The following TUSC3 variants were observed in gnomAD, a reference collection of about 807,000 sequenced individuals.
The protein encoded by TUSC3 is tumor suppressor candidate 3, also known as dolichyl-diphosphooligosaccharide--protein glycosyltransferase subunit TUSC3.
In TUSC3, 45 loss-of-function variants were observed where a neutral mutation model predicts 44.8. The ratio of observed to expected loss-of-function variants is 1.00; its 90% CI spans 0.79 to 1.29. The LOEUF is 1.29. Ranked by LOEUF, TUSC3 falls within the 50% of genes most tolerant of loss-of-function variation. The pLI is 0.00. For synonymous variants in TUSC3, 212 were observed against 152.9 expected (o/e 1.39, Z -2.85); for missense variants, 519 against 437.9 (o/e 1.19, Z -1.65).
At chr8:15,689,458 AG>A (rs36111860) in intron 6 of TUSC3, 35,248 of 175,358 alleles carry the variant, frequency 0.2, 4,589 homozygotes, top group Non-Finnish European at 0.28. Flanking sequence ...AGTGCCAAGA[AG>A]GCCGCAGCTG....
rs1809307333 is a variant in TUSC3 at position 15,699,512 on chromosome 8, G to T, written c.798+25676G>T. ...AGCATTAACAATGGTAATATGATCT[G>T]ATGTAATTGATGTGACTTTTAAAAA... On this transcript the variant is annotated intron_variant, in intron 6 of 10. Transcript: ENST00000503731. Among the ~76,000 whole-genome samples, 4 of 152,304 alleles carry T rather than the reference G, an allele frequency of 2.6e-5. 1 individual carries two copies. The South Asian group carries it at 8.3e-4, about 32-fold the overall frequency.
intron 2 of TUSC3, among the ~76,000 whole-genome samples, chr8:15,487,058 CCTT>C (rs1357339138): frequency 9.9e-5 from 15 of 152,184 alleles, no homozygotes; most frequent in African/African-American, 3.1e-4. Context: ...TATTAGCTTC[CCTT>C]CTTCTATGAC....
chr8:15,462,795 A>T lies in TUSC3; in HGVS notation n.92-20591A>T, dbSNP rs887176119. ...AGCTTTTGCTTCAGAAATAACTTCC[A>T]ACAGTGAGCAGAAAGGATGCTATTC... On this transcript the variant is annotated intron_variant and non_coding_transcript_variant, in intron 1 of 5. Coordinates refer to the TUSC3 transcript ENST00000503191. Among the ~76,000 whole-genome samples the T allele has an allele frequency of 4.6e-5, 7 of 152,090 alleles. No individual in the cohort carries two copies. The East Asian group carries it at 9.6e-4, about 21-fold the overall frequency.
intron 6 of TUSC3, among the ~76,000 whole-genome samples, chr8:15,728,789 C>T (rs934628620): frequency 2.0e-5 from 3 of 152,112 alleles, no homozygotes; most frequent in Non-Finnish European, 2.9e-5. Context: ...GCCTGTTGAG[C>T]TCTGAGATAC....
At chr8:15,430,817 C>T (rs1297859989) in intron 1 of TUSC3, among the ~76,000 whole-genome samples, 2 of 151,740 alleles carry the variant, frequency 1.3e-5, no homozygotes, top group African/African-American at 2.4e-5. Context: ...AAATCACAAG[C>T]ATTCTTATAC....
intron 2 of TUSC3, among the ~76,000 whole-genome samples, chr8:15,636,216 G>T (rs1371879369): frequency 6.6e-6 from 1 of 152,126 alleles, no homozygotes; most frequent in Non-Finnish European, 1.5e-5. Flanking sequence ...TTTCAACTTA[G>T]CAGAATCATC....
chr8:15,743,561 G>C lies in TUSC3; in HGVS notation c.886G>C (p.Val296Leu). Residue 296 changes from valine (V) to leucine (L), a missense_variant, in exon 8 of 11, where the codon GTT becomes CTT. Transcript: ENST00000503731. ...AGATGCCGCTATCACCATGGGGATG[G>C]TTCTTCTAAATGAAGCAGCAACTTC... ...VLNAAITMGM[V>L]LLNEAATSKG... is the part of the protein sequence containing the mutation. 4 of 1,613,940 alleles carry C rather than the reference G, an allele frequency of 2.5e-6. No individual in the cohort carries two copies. Among genetic ancestry groups the C allele is most frequent in the Non-Finnish European group, 3.4e-6 (4 of 1,179,854 alleles).
downstream of TUSC3, among the ~76,000 whole-genome samples, chr8:15,770,161 C>T (rs1296218240): frequency 6.6e-6 from 1 of 152,056 alleles, no homozygotes; most frequent in African/African-American, 2.4e-5. Flanking sequence ...GGAACCAACC[C>T]AAATGTCCAT....
chr8:15,650,386 A>G (rs747084121), intron 2 of TUSC3, among the ~76,000 whole-genome samples: 5 of 152,146 alleles, frequency 3.3e-5, no homozygotes, highest in African/African-American at 9.7e-5. Flanking sequence ...TTAAAGGGCT[A>G]GGCTTTGTGA....
chr8:15,669,244 T>C (rs1042758854), intron 5 of TUSC3, among the ~76,000 whole-genome samples: 4 of 151,854 alleles, frequency 2.6e-5, no homozygotes, highest in Admixed American at 1.3e-4. Flanking sequence ...CCAGTATGGA[T>C]TGAATCCATT....
intron 2 of TUSC3, among the ~76,000 whole-genome samples, chr8:15,628,116 A>G (rs1805596896): frequency 6.6e-6 from 1 of 152,246 alleles, no homozygotes; most frequent in Non-Finnish European, 1.5e-5. Flanking sequence ...TTTAAAAAAT[A>G]CTGTAAATAT....
rs1563203962 is a variant in TUSC3 at position 15,748,701 on chromosome 8, T to C, written c.1028+236T>C. The C allele has an allele frequency of 4.6e-6, 3 of 655,300 alleles. No individual in the cohort carries two copies. In the East Asian group the frequency reaches 9.8e-5, roughly 21 times the overall value. 40.6% of individuals were successfully genotyped at this position (655,300 alleles called of 1,614,324 possible). A position where few individuals can be genotyped will look rare whatever the true frequency, so the allele number is the denominator to read the frequency against. ...GTTTCTTTCTAGACATACATATTTT[T>C]ATATAACAAATGAGGTTTAAGCTCA... On this transcript the variant is annotated intron_variant, in intron 9 of 10. Transcript: ENST00000503731.
chr8:15,577,248 C>A (rs1044669635), intron 1 of TUSC3, among the ~76,000 whole-genome samples: 19 of 151,136 alleles, frequency 1.3e-4, no homozygotes, highest in African/African-American at 4.6e-4. Flanking sequence ...AAAATTTTCT[C>A]CCATTTTGTA....
the TUSC3 span, among the ~76,000 whole-genome samples, chr8:15,782,287 A>T: frequency 6.6e-6 from 1 of 152,212 alleles, no homozygotes; most frequent in Admixed American, 6.5e-5. Flanking sequence ...AGCCTCGGTG[A>T]CATAGCAAGA....
At chr8:15,551,816 T>G (rs1423986569) in intron 1 of TUSC3, among the ~76,000 whole-genome samples, 1 of 151,780 alleles carries the variant, frequency 6.6e-6, no homozygotes, top group Non-Finnish European at 1.5e-5. Context: ...TTACTTCCCT[T>G]TTCTCTGTAT....
At chr8:15,781,377 C>A in the TUSC3 span, among the ~76,000 whole-genome samples, 2 of 152,050 alleles carry the variant, frequency 1.3e-5, no homozygotes, top group South Asian at 2.1e-4. Flanking sequence ...CTGGGGCCCA[C>A]GTAAAACAAA....
rs114269767 is a variant in TUSC3, at chr8:15,480,372, A to G, written n.92-3014A>G. On this transcript the variant is annotated intron_variant and non_coding_transcript_variant, in intron 1 of 5. Transcript: ENST00000503191. Reference sequence around the variant, plus strand: ...GAACCATAAACATTTTCATGAACATATGCTATACTTGACTTTTCCTGGTTG... The same window carrying G: ...GAACCATAAACATTTTCATGAACATGTGCTATACTTGACTTTTCCTGGTTG... Among the ~76,000 whole-genome samples, 615 of 152,318 alleles carry G rather than the reference A, an allele frequency of 4.0e-3. 6 individuals carry two copies. Among genetic ancestry groups the G allele is most frequent in the African/African-American group, 0.014 (592 of 41,566 alleles).
At chr8:15,430,018 A>T (rs1799852751) in intron 1 of TUSC3, among the ~76,000 whole-genome samples, 1 of 151,686 alleles carries the variant, frequency 6.6e-6, no homozygotes, top group East Asian at 1.9e-4. Flanking sequence ...CCAGGACCAG[A>T]TGGATTCACA....
At chr8:15,701,510 T>C (rs946341204) in intron 6 of TUSC3, among the ~76,000 whole-genome samples, 6 of 152,170 alleles carry the variant, frequency 3.9e-5, no homozygotes, top group East Asian at 1.9e-4. Flanking sequence ...GTAGTCGATA[T>C]AGTAGCTGTT....
Sources: allele counts gnomAD v4.1 joint callset (sites outside exome capture counted in the v4.1 genomes callset), GRCh38; gene constraint gnomAD v4.1.1; transcripts MANE v1.5; gene names NCBI Gene and HGNC (gene_info 2026-07-23, HGNC 2026-07-21).